MED12L: variants seen among roughly 807,000 people sequenced by gnomAD.
MED12L encodes the protein mediator of RNA polymerase II transcription subunit 12-like protein.
Under a neutral mutation model 281.3 loss-of-function variants are expected in MED12L, and 60 were observed. The observed-to-expected ratio is 0.21, with a 90% CI of 0.17 to 0.26. The LOEUF is 0.26. Among genes scored for constraint, MED12L ranks in the 10% least tolerant of loss-of-function variants. MED12L has a pLI of 1.00. For missense variants in MED12L, 2,146 were observed against 2,680.9 expected (o/e 0.80, Z 4.41); for synonymous variants, 974 against 987.2 (o/e 0.99, Z 0.25).
rs765305359 is a variant in MED12L, at chr3:151,367,730, G to C, written c.3412G>C (p.Val1138Leu). 6.2e-7 allele frequency: 1 copy of C among 1,611,162 alleles called. No homozygotes were observed. The highest frequency in any genetic ancestry group is 8.5e-7 in the Non-Finnish European group (1 of 1,178,068). ...ACAGTGTTTTTCCCTGGAGGACGTCGTGCAGCATGTCGCACTTCCCTCTCT... is the reference window on the plus strand; with the variant it reads ...ACAGTGTTTTTCCCTGGAGGACGTCCTGCAGCATGTCGCACTTCCCTCTCT... ...ARQCFSLEDV[V>L]QHVALPSLLA... is the part of the protein sequence containing the mutation. The change falls in exon 24 of 45, where the codon GTG becomes CTG. Residue 1138 changes from valine to leucine, a missense_variant. Physicochemically the swap from Val to Leu is conservative, Grantham distance 32. Coordinates refer to ENST00000687756, the MANE Select transcript of MED12L (RefSeq NM_001393769.1).
In MED12L at chr3:151,355,126, G is replaced by T. The variant is rs750469643; in HGVS notation, c.2404G>T (p.Asp802Tyr). 6.2e-7 allele frequency: 1 copy of T among 1,612,348 alleles called. No homozygotes were observed. Among genetic ancestry groups the T allele is most frequent in the South Asian group, 1.1e-5 (1 of 91,006 alleles). ...TCTGCTTTATGTTTATGTAGTTGGG[G>T]ACGAAGGACAAAAAGCCAGGAAGAA... ...KKSTTETGVG[D>Y]EGQKARKNKQ... Residue 802 changes from aspartate to tyrosine, a missense_variant, in exon 18 of 45, where the codon GAC becomes TAC. Transcript: ENST00000687756.
chr3:151,288,346 A>G (rs1743824618), intron 16 of MED12L, among the ~76,000 whole-genome samples: 1 of 152,198 alleles, frequency 6.6e-6, no homozygotes, highest in African/African-American at 2.4e-5. Flanking sequence ...TTTTACATAT[A>G]AATGTATTTT....
rs182042773 is a variant in MED12L at position 151,202,247 on chromosome 3, G to T, written c.2250+8581G>T. Among the ~76,000 whole-genome samples the T allele has an allele frequency of 1.7e-3, 261 of 152,356 alleles. 1 individual carries two copies. Among genetic ancestry groups the T allele is most frequent in the African/African-American group, 5.7e-3 (238 of 41,570 alleles). On this transcript the variant is annotated intron_variant, in intron 16 of 44. Transcript: ENST00000687756. ...TCTGTGTCACAAGTTTGAGAACTAAGTGCTTAATAAATATTTTACCAGACA... is the reference window on the plus strand; with the variant it reads ...TCTGTGTCACAAGTTTGAGAACTAATTGCTTAATAAATATTTTACCAGACA...
chr3:151,189,893 T>A (rs1462842612), intron 13 of MED12L, among the ~76,000 whole-genome samples: 1 of 152,204 alleles, frequency 6.6e-6, no homozygotes, highest in Non-Finnish European at 1.5e-5. Context: ...GAGCTCCATC[T>A]TTGTGTTCTT....
chr3:151,290,126 T>C (rs1344690804), intron 16 of MED12L, among the ~76,000 whole-genome samples: 1 of 152,060 alleles, frequency 6.6e-6, no homozygotes, highest in Non-Finnish European at 1.5e-5. Context: ...CTCCTGACCT[T>C]GTGATCACCT....
At chr3:151,203,507 A>T (rs570393144) in intron 16 of MED12L, among the ~76,000 whole-genome samples, 1 of 152,014 alleles carries the variant, frequency 6.6e-6, no homozygotes, top group Admixed American at 6.5e-5. Context: ...ATAATTAAAG[A>T]TATAAGGTGT....
intron 5 of MED12L, among the ~76,000 whole-genome samples, chr3:151,130,731 G>T (rs1158970176): frequency 6.6e-6 from 1 of 152,214 alleles, no homozygotes; most frequent in Non-Finnish European, 1.5e-5. Flanking sequence ...TCTCTGCCCA[G>T]ACGCGCTTCC....
At chr3:151,353,875 C>A (rs2150039207) in intron 17 of MED12L, among the ~76,000 whole-genome samples, 1 of 152,188 alleles carries the variant, frequency 6.6e-6, no homozygotes, top group Admixed American at 6.5e-5. Context: ...GGCGCGGTGG[C>A]TCACGCCTGT....
intron 39 of MED12L, among the ~76,000 whole-genome samples, chr3:151,396,597 G>C (rs560164961): frequency 9.8e-5 from 15 of 152,320 alleles, no homozygotes; most frequent in Middle Eastern, 6.8e-3. Context: ...CTGCACTCCA[G>C]CCCGGTCAAC....
chr3:151,269,003 A>G (rs1341922338), intron 16 of MED12L, among the ~76,000 whole-genome samples: 1 of 152,178 alleles, frequency 6.6e-6, no homozygotes, highest in Non-Finnish European at 1.5e-5. Context: ...GTGACCCCCA[A>G]AACCAAGACT....
At chr3:151,406,775 A>G (rs1716358288) in intron 39 of MED12L, among the ~76,000 whole-genome samples, 1 of 150,096 alleles carries the variant, frequency 6.7e-6, no homozygotes, top group Non-Finnish European at 1.5e-5. Flanking sequence ...GTAGAATAAT[A>G]GTTTTCAGTT....
At chr3:151,422,536 G>T (rs1217628004) in intron 43 of MED12L, among the ~76,000 whole-genome samples, 3 of 152,096 alleles carry the variant, frequency 2.0e-5, no homozygotes, top group Admixed American at 6.5e-5. Flanking sequence ...TTTTTATAAG[G>T]ATACCAGTCC....
At chr3:151,090,645 G>T (rs1232717774) in intron 2 of MED12L, among the ~76,000 whole-genome samples, 2 of 152,226 alleles carry the variant, frequency 1.3e-5, no homozygotes, top group Admixed American at 1.3e-4. Flanking sequence ...AAAGCTGAAA[G>T]TATCCTTTGC....
rs1553826517 is a variant in MED12L, at chr3:151,435,875, A to AATTAATT, written c.*3077_*3078insTATTAAT. On this transcript the variant is annotated 3_prime_UTR_variant, in exon 45 of 45. Coordinates refer to ENST00000687756, the MANE Select transcript of MED12L (RefSeq NM_001393769.1). Reference sequence around the variant, plus strand: ...CCAAGCATTTTCCCATCCCATAAAGAATTAATGAAATGAAATGCTTATAGA... The same window carrying AATTAATT: ...CCAAGCATTTTCCCATCCCATAAAGAATTAATTATTAATGAAATGAAATGCTTATAGA... 1.3e-5 allele frequency: 2 copies of AATTAATT among 151,806 alleles called. No individual in the cohort carries two copies. Among genetic ancestry groups the AATTAATT allele is most frequent in the Non-Finnish European group, 2.9e-5 (2 of 67,992 alleles). 9.4% of individuals were successfully genotyped at this position (151,806 alleles called of 1,614,324 possible).
intron 16 of MED12L, 90 bp downstream of exon 16, chr3:151,193,756 G>C: frequency 2.6e-6 from 3 of 1,158,442 alleles, no homozygotes; most frequent in Non-Finnish European, 3.7e-6. Flanking sequence ...CTGTATTCTT[G>C]ACTAATAATG....
chr3:151,221,241 A>G (rs1729286246), intron 16 of MED12L, among the ~76,000 whole-genome samples: 1 of 152,220 alleles, frequency 6.6e-6, no homozygotes, highest in Non-Finnish European at 1.5e-5. Flanking sequence ...AAAAGCATTC[A>G]GTTTTATAAG....
intron 2 of MED12L, 150 bp downstream of exon 2, chr3:151,087,175 C>A: frequency 1.6e-6 from 1 of 630,330 alleles, no homozygotes; most frequent in Non-Finnish European, 2.6e-6. Flanking sequence ...GGGTGCTGGG[C>A]GACCCCCCGG....
intron 39 of MED12L, among the ~76,000 whole-genome samples, chr3:151,408,821 TA>T (rs1481723325): frequency 6.6e-6 from 1 of 152,236 alleles, no homozygotes; most frequent in Admixed American, 6.5e-5. Flanking sequence ...GAAGCTTCAT[TA>T]AAAAGTCATA....
chr3:151,293,797 T>A (rs545556421), intron 16 of MED12L, among the ~76,000 whole-genome samples: 7 of 152,300 alleles, frequency 4.6e-5, no homozygotes, highest in Non-Finnish European at 1.0e-4. Flanking sequence ...AGTAGTAGTT[T>A]CTTTTCCTAT....
Sources: allele counts gnomAD v4.1 joint callset (sites outside exome capture counted in the v4.1 genomes callset), GRCh38; gene constraint gnomAD v4.1.1; transcripts MANE v1.5; gene names NCBI Gene and HGNC (gene_info 2026-07-23, HGNC 2026-07-21).